The following CALN1 variants were observed in gnomAD, a reference collection of about 807,000 sequenced individuals.
CALN1 encodes calcium-binding protein 8.
A neutral mutation model predicts 30.6 loss-of-function variants in CALN1; 17 were observed. The ratio of observed to expected loss-of-function variants is 0.56; its 90% CI spans 0.38 to 0.83. CALN1 has a LOEUF of 0.83. CALN1 is among the 40% of genes least tolerant of loss of function. The pLI, the probability that CALN1 is intolerant of heterozygous loss-of-function variation, is 0.00. For synonymous variants in CALN1, 156 were observed against 131.4 expected (o/e 1.19, Z -1.28); for missense variants, 291 against 354.9 (o/e 0.82, Z 1.45).
chr7:72,393,637 C>G (rs1423749848), intron 2 of CALN1, among the ~76,000 whole-genome samples: 2 of 152,176 alleles, frequency 1.3e-5, no homozygotes, highest in Non-Finnish European at 2.9e-5. Flanking sequence ...GGGCCCCCCC[C>G]AGGCAAATGC....
chr7:71,803,955 T>C (rs1038432857), intron 6 of CALN1, among the ~76,000 whole-genome samples: 2 of 149,740 alleles, frequency 1.3e-5, no homozygotes, highest in Non-Finnish European at 3.0e-5. Context: ...TGTGCGTGTG[T>C]GTGTGTGTGT....
At position 72,186,885 on chromosome 7, in the gene CALN1, CTTTTT is replaced by C. The variant is rs34604151; in HGVS notation, c.245-80596_245-80592del. Reference sequence around the variant, plus strand: ...CTGCAATAAACATATGAGTGCAGAGCTTTTTTTTTTTTTTTTTTTTTTTTGATAGA... The same window carrying C: ...CTGCAATAAACATATGAGTGCAGAGCTTTTTTTTTTTTTTTTTTTGATAGA... On this transcript the variant is annotated intron_variant, in intron 3 of 6. Coordinates refer to ENST00000395275, the MANE Select transcript of CALN1 (RefSeq NM_031468.4). Among the ~76,000 whole-genome samples the C allele has an allele frequency of 8.7e-3, 536 of 61,346 alleles. 6 individuals are homozygous for C. Among genetic ancestry groups the C allele is most frequent in the African/African-American group, 0.029 (481 of 16,630 alleles). The allele number at this position is 61,346 out of a possible 152,430, so 40.2% of individuals were successfully genotyped here. A position where few individuals can be genotyped will look rare whatever the true frequency, so the allele number is the denominator to read the frequency against.
At chr7:72,105,810 AGGAGGG>A (rs1261912777) in intron 4 of CALN1, among the ~76,000 whole-genome samples, 1 of 76,500 alleles carries the variant, frequency 1.3e-5, no homozygotes, top group Non-Finnish European at 2.5e-5. Context: ...AGGGAGGAGG[AGGAGGG>A]GGAGGGAGAG....
At chr7:72,415,821 C>T (rs909820269), upstream of CALN1, among the ~76,000 whole-genome samples, 3 of 152,186 alleles carry the variant, frequency 2.0e-5, no homozygotes, top group Admixed American at 6.5e-5. Context: ...CGCTACTGGA[C>T]GGTGACACCG....
intron 5 of CALN1, among the ~76,000 whole-genome samples, chr7:71,967,544 G>A (rs951767023): frequency 3.3e-5 from 5 of 149,900 alleles, no homozygotes; most frequent in African/African-American, 1.2e-4. Flanking sequence ...TGGAAAAATC[G>A]CTTGAGCCCA....
At chr7:72,237,565 T>C (rs997349612) in intron 3 of CALN1, among the ~76,000 whole-genome samples, 6 of 152,072 alleles carry the variant, frequency 3.9e-5, no homozygotes, top group African/African-American at 1.4e-4. Flanking sequence ...AGCAGAAAAA[T>C]GCATTAAACC....
intron 2 of CALN1, among the ~76,000 whole-genome samples, chr7:72,356,916 T>C (rs1803266950): frequency 6.6e-6 from 1 of 152,018 alleles, no homozygotes; most frequent in African/African-American, 2.4e-5. Context: ...TGTCAACGTA[T>C]GTCTTGCTCT....
chr7:72,261,797 A>G (rs542946526), intron 3 of CALN1, among the ~76,000 whole-genome samples: 1 of 152,308 alleles, frequency 6.6e-6, no homozygotes, highest in East Asian at 1.9e-4. Context: ...ATAAAACTTT[A>G]GTGGAACAAA....
At chr7:71,816,043 T>G (rs1413127835) in intron 5 of CALN1, among the ~76,000 whole-genome samples, 2 of 150,616 alleles carry the variant, frequency 1.3e-5, no homozygotes, top group African/African-American at 2.5e-5. Context: ...TTTTAATTTT[T>G]TTTTTCTTTA....
rs550888974 is a variant in CALN1 at position 72,154,031 on chromosome 7, G to A, written c.245-47737C>T. Among the ~76,000 whole-genome samples, 19 of 152,188 alleles carry A rather than the reference G, an allele frequency of 1.2e-4. No individual in the cohort carries two copies. The South Asian group carries it at 1.9e-3, about 15-fold the overall frequency. On this transcript the variant is annotated intron_variant, in intron 3 of 6. Transcript: ENST00000395275. Reference sequence around the variant, plus strand: ...TCTCTGTGAATTGGACACTAGGAGGGAGGTCTCCAAGACTGGATCTCATGA... The same window carrying A: ...TCTCTGTGAATTGGACACTAGGAGGAAGGTCTCCAAGACTGGATCTCATGA...
chr7:72,488,000 A>G, the CALN1 span, among the ~76,000 whole-genome samples: 1 of 149,160 alleles, frequency 6.7e-6, no homozygotes, highest in African/African-American at 2.5e-5. Flanking sequence ...AGAAGAAAAT[A>G]GAGGGGTGCT....
intron 5 of CALN1, among the ~76,000 whole-genome samples, chr7:71,931,460 T>G (rs1584538687): frequency 6.6e-6 from 1 of 151,054 alleles, no homozygotes; most frequent in East Asian, 2.0e-4. Context: ...AGAGACGGGG[T>G]TTCACCACGT....
intron 5 of CALN1, among the ~76,000 whole-genome samples, chr7:71,926,011 G>A (rs1430739603): frequency 1.3e-5 from 2 of 152,140 alleles, no homozygotes; most frequent in African/African-American, 2.4e-5. Context: ...CTGCCGCCAT[G>A]CCTGGCTAAG....
At chr7:72,153,576 C>T (rs114037859) in intron 3 of CALN1, among the ~76,000 whole-genome samples, 1,555 of 151,638 alleles carry the variant, frequency 0.01, 25 homozygotes, top group African/African-American at 0.036. Context: ...CCCAGCTACT[C>T]GGGAGGCTGA....
At chr7:71,931,173 T>A (rs545546939) in intron 5 of CALN1, among the ~76,000 whole-genome samples, 8 of 152,246 alleles carry the variant, frequency 5.3e-5, no homozygotes, top group Non-Finnish European at 1.0e-4. Flanking sequence ...CTGAATTCTT[T>A]TTTTAGAGGG....
In CALN1 at chr7:72,286,851, C is replaced by A. The variant is rs193088319; in HGVS notation, c.120-8041G>T. Among the ~76,000 whole-genome samples the A allele has an allele frequency of 1.2e-3, 184 of 152,200 alleles. 1 individual carries two copies. The highest frequency in any genetic ancestry group is 4.2e-3 in the African/African-American group (173 of 41,530). ...GCCTATTGCCAATAATGATATAATACAAGAAAGGACAATTTTACAAACTTT... is the reference window on the plus strand; with the variant it reads ...GCCTATTGCCAATAATGATATAATAAAAGAAAGGACAATTTTACAAACTTT... On this transcript the variant is annotated intron_variant, in intron 2 of 6. Transcript: ENST00000395275.
At chr7:72,312,108 A>G (rs571502075) in intron 2 of CALN1, among the ~76,000 whole-genome samples, 1 of 152,184 alleles carries the variant, frequency 6.6e-6, no homozygotes, top group East Asian at 1.9e-4. Flanking sequence ...TCTGGTTTCA[A>G]CAAGTCACTC....
intron 3 of CALN1, among the ~76,000 whole-genome samples, chr7:72,171,545 C>T (rs1012676158): frequency 2.0e-5 from 3 of 152,072 alleles, no homozygotes; most frequent in Admixed American, 2.0e-4. Context: ...ACAAATAAAT[C>T]AATGAAGGAA....
intron 1 of CALN1, among the ~76,000 whole-genome samples, chr7:72,409,763 G>C (rs1051073418): frequency 6.6e-6 from 1 of 152,088 alleles, no homozygotes; most frequent in African/African-American, 2.4e-5. Flanking sequence ...ATGGAACAGT[G>C]GTTCCCAGGC....
Sources: allele counts gnomAD v4.1 joint callset (sites outside exome capture counted in the v4.1 genomes callset), GRCh38; gene constraint gnomAD v4.1.1; transcripts MANE v1.5; gene names NCBI Gene and HGNC (gene_info 2026-07-23, HGNC 2026-07-21).